The following SGCD variants were observed in gnomAD, a reference collection of about 807,000 sequenced individuals.
The protein encoded by SGCD is sarcoglycan delta, also known as delta-sarcoglycan.
A neutral mutation model predicts 36.6 loss-of-function variants in SGCD; 18 were observed. The ratio of observed to expected loss-of-function variants is 0.49; its 90% CI spans 0.34 to 0.73. The LOEUF (loss-of-function observed/expected upper bound fraction) is 0.73, where lower values mean the gene tolerates loss of function less well. SGCD is among the 30% of genes least tolerant of loss of function. The probability of loss-of-function intolerance (pLI) is 0.01; values close to 1 mark genes in which losing one functional copy is unlikely to be tolerated. For missense variants in SGCD, 387 were observed against 346.7 expected (o/e 1.12, Z -0.92); for synonymous variants, 133 against 130.6 (o/e 1.02, Z -0.12).
chr5:156,320,097 ATGTGTGTGTGTG>A (rs10535885), intron 3 of SGCD, among the ~76,000 whole-genome samples: 25 of 146,084 alleles, frequency 1.7e-4, no homozygotes, highest in African/African-American at 6.3e-4. Flanking sequence ...AGCCTTTGAT[ATGTGTGTGTGTG>A]TGTGTGTGTG....
At chr5:155,935,082 C>T (rs1369351225) in intron 1 of SGCD, among the ~76,000 whole-genome samples, 2 of 152,188 alleles carry the variant, frequency 1.3e-5, no homozygotes, top group African/African-American at 4.8e-5. Flanking sequence ...ATACTTGACC[C>T]TAAGTCCCTA....
intron 7 of SGCD, among the ~76,000 whole-genome samples, chr5:156,650,077 C>A (rs1045690853): frequency 2.6e-5 from 4 of 152,042 alleles, no homozygotes. Flanking sequence ...TTAGCCCACT[C>A]TAGAGATGCA....
chr5:156,224,827 G>A (rs1472014674), intron 3 of SGCD, among the ~76,000 whole-genome samples: 1 of 152,084 alleles, frequency 6.6e-6, no homozygotes, highest in Non-Finnish European at 1.5e-5. Context: ...CATGCATTTA[G>A]TCTATAGCCT....
intron 1 of SGCD, among the ~76,000 whole-genome samples, chr5:155,883,155 G>A (rs1016900599): frequency 5.3e-5 from 8 of 152,164 alleles, no homozygotes; most frequent in Non-Finnish European, 1.2e-4. Flanking sequence ...TTAGGGCCTT[G>A]CTCTGGGTTA....
At chr5:155,728,746 A>G in the SGCD span, among the ~76,000 whole-genome samples, 1 of 151,762 alleles carries the variant, frequency 6.6e-6, no homozygotes, top group Non-Finnish European at 1.5e-5. Context: ...AGAGCCGCCA[A>G]CTTCCCTGTG....
At chr5:156,221,571 CA>C (rs1764716368) in intron 3 of SGCD, among the ~76,000 whole-genome samples, 1 of 150,414 alleles carries the variant, frequency 6.6e-6, no homozygotes, top group African/African-American at 2.4e-5. Context: ...AAAAAAAAAA[CA>C]AAAAACAAAA....
intron 1 of SGCD, among the ~76,000 whole-genome samples, chr5:156,028,781 A>C (rs959919647): frequency 1.3e-5 from 2 of 152,224 alleles, no homozygotes; most frequent in Admixed American, 6.5e-5. Flanking sequence ...TCTGAATCAC[A>C]AGATAACAAT....
intron 3 of SGCD, among the ~76,000 whole-genome samples, chr5:156,429,989 C>T (rs1018827972): frequency 3.3e-5 from 5 of 152,124 alleles, no homozygotes; most frequent in Admixed American, 1.3e-4. Context: ...TTAGATAGCC[C>T]AGTGACTATG....
Position 156,462,190 on chromosome 5 carries a change from C to A in SGCD, c.193-46411C>A, listed in dbSNP as rs981088842. 8.7e-5 allele frequency among the ~76,000 whole-genome samples: 13 copies of A among 149,348 alleles called. No individual in the cohort carries two copies. The South Asian group carries it at 2.8e-3, about 32-fold the overall frequency. On this transcript the variant is annotated intron_variant, in intron 3 of 8. Transcript: ENST00000337851. ...CCTTTTAGTTCCATGGCCCAGGAAT[C>A]CACAGCCAGATGACAATAACAATAA... is the stretch of plus-strand genomic sequence containing the variant.
At chr5:155,910,306 G>A (rs1368332) in intron 1 of SGCD, among the ~76,000 whole-genome samples, 14,221 of 152,060 alleles carry the variant, frequency 0.094, 747 homozygotes, top group South Asian at 0.16. Context: ...ATCAGCTATT[G>A]AAAGGAAAAT....
In SGCD at chr5:156,629,855, C is replaced by A. The variant is rs199552578; in HGVS notation, c.503-17609C>A. On this transcript the variant is annotated intron_variant, in intron 6 of 8. Coordinates refer to ENST00000337851, the MANE Select transcript of SGCD (RefSeq NM_000337.6). ...CTAGGCTCTGGTTTTGAGACTTTTT[C>A]TTTTTTTTTTTTTTTTTTTTTTTTA... Among the ~76,000 whole-genome samples, 3 of 85,594 alleles carry A rather than the reference C, an allele frequency of 3.5e-5. No individual in the cohort carries two copies. In the Admixed American group the frequency reaches 3.6e-4, roughly 10 times the overall value. 56.2% of individuals were successfully genotyped at this position (85,594 alleles called of 152,430 possible). A position where few individuals can be genotyped will look rare whatever the true frequency, so the allele number is the denominator to read the frequency against.
intron 1 of SGCD, among the ~76,000 whole-genome samples, chr5:156,092,065 G>A (rs538546899): frequency 6.6e-6 from 1 of 152,340 alleles, no homozygotes; most frequent in East Asian, 1.9e-4. Context: ...GCTGTTATCA[G>A]TGTTTCTTTG....
At chr5:156,607,006 C>T (rs1040449796) in intron 6 of SGCD, among the ~76,000 whole-genome samples, 1 of 152,196 alleles carries the variant, frequency 6.6e-6, no homozygotes, top group Non-Finnish European at 1.5e-5. Context: ...GACAATTTGA[C>T]TTCCTCTTTT....
chr5:156,498,811 G>T (rs535359002), intron 3 of SGCD, among the ~76,000 whole-genome samples: 1 of 152,230 alleles, frequency 6.6e-6, no homozygotes, highest in South Asian at 2.1e-4. Context: ...GGATCATATG[G>T]TAACTCCGTG....
chr5:156,600,814 T>A (rs1761159892), intron 6 of SGCD, among the ~76,000 whole-genome samples: 1 of 152,192 alleles, frequency 6.6e-6, no homozygotes, highest in Non-Finnish European at 1.5e-5. Context: ...TTCCCTTTTT[T>A]TACATCCTCA....
rs1182966256 is a variant in SGCD at position 156,638,459 on chromosome 5, AG to A, written c.503-9000del. Among the ~76,000 whole-genome samples the A allele has an allele frequency of 3.3e-5, 5 of 152,304 alleles. No individual in the cohort carries two copies. In the East Asian group the frequency reaches 5.8e-4, roughly 18 times the overall value. ...ACACAGTGCATCATCTTTGAGAACC[AG>A]GGGGTCACCCTTGAGCACGGCTCTC... On this transcript the variant is annotated intron_variant, in intron 6 of 8. Transcript: ENST00000337851.
intron 6 of SGCD, among the ~76,000 whole-genome samples, chr5:156,627,811 A>G (rs1762489888): frequency 1.3e-5 from 2 of 152,240 alleles, no homozygotes; most frequent in South Asian, 4.1e-4. Context: ...AGATTCTGAT[A>G]TTAATACTAC....
the SGCD span, among the ~76,000 whole-genome samples, chr5:155,780,685 A>G: frequency 6.6e-6 from 1 of 152,200 alleles, no homozygotes; most frequent in African/African-American, 2.4e-5. Context: ...AGGTGAAAGC[A>G]TGATTTCCAG....
intron 1 of SGCD, among the ~76,000 whole-genome samples, chr5:155,973,757 T>C (rs951691837): frequency 1.3e-5 from 2 of 152,206 alleles, no homozygotes; most frequent in Non-Finnish European, 2.9e-5. Flanking sequence ...TGAGAAGAGT[T>C]ATTTAACTTT....
Sources: gnomAD v4.1 joint callset for allele counts (sites outside exome capture counted in the v4.1 genomes callset) on GRCh38, gnomAD v4.1.1 for gene constraint, MANE v1.5 for transcripts, NCBI Gene and HGNC (gene_info 2026-07-23, HGNC 2026-07-21) for gene names.